TACC1: variants seen among roughly 807,000 people sequenced by gnomAD.
TACC1 encodes transforming acidic coiled-coil-containing protein 1.
TACC1 carries 48 observed loss-of-function variants against 84.4 expected under a neutral mutation model. The ratio of observed to expected loss-of-function variants is 0.57; its 90% confidence interval spans 0.45 to 0.72. TACC1 has a LOEUF of 0.72. Among genes scored for constraint, TACC1 ranks in the 30% least tolerant of loss-of-function variants. The pLI, the probability that TACC1 is intolerant of heterozygous loss-of-function variation, is 0.00. For missense variants in TACC1, 920 were observed against 973.0 expected (o/e 0.95, Z 0.72); for synonymous variants, 372 against 376.3 (o/e 0.99, Z 0.13).
At chr8:38,805,782 C>T (rs560561104) in intron 2 of TACC1, 31 of 152,238 alleles carry the variant, frequency 2.0e-4, no homozygotes, top group African/African-American at 6.5e-4. Flanking sequence ...TACAGAGTGC[C>T]GACATTGAAC....
intron 1 of TACC1, 151 bp downstream of exon 1, chr8:38,787,894 C>T: frequency 2.6e-6 from 2 of 757,836 alleles, no homozygotes; most frequent in Non-Finnish European, 3.9e-6. Context: ...CGTGTGCGTC[C>T]GAAAGTTCAG....
At chr8:38,785,778 T>C, upstream of TACC1, 8 of 946,284 alleles carry the variant, frequency 8.5e-6, no homozygotes, top group Non-Finnish European at 1.0e-5. Context: ...ATAAGTGGTG[T>C]GATATATTTC....
chr8:38,809,031 G>T (rs1202732918), intron 2 of TACC1, among the ~76,000 whole-genome samples: 6 of 152,176 alleles, frequency 3.9e-5, no homozygotes, highest in African/African-American at 1.4e-4. Context: ...AGCTGGCCAA[G>T]AAATGACTGG....
At chr8:38,834,143 G>C (rs1346929222) in intron 6 of TACC1, among the ~76,000 whole-genome samples, 1 of 152,192 alleles carries the variant, frequency 6.6e-6, no homozygotes, top group Non-Finnish European at 1.5e-5. Flanking sequence ...CTCTGACTCA[G>C]AATCTGTTAC....
At position 38,788,900 on chromosome 8, in the gene TACC1, A is replaced by T. The variant is rs1817974694; in HGVS notation, c.277+81A>T. The T allele has an allele frequency of 7.0e-6, 8 of 1,142,080 alleles. No individual in the cohort carries two copies. The South Asian group carries it at 1.0e-4, about 15-fold the overall frequency. 70.7% of individuals were successfully genotyped at this position (1,142,080 alleles called of 1,614,324 possible). A position where few individuals can be genotyped will look rare whatever the true frequency, so the allele number is the denominator to read the frequency against. ...ATCAATGAAGGAAGGAAAAAAGTGT[A>T]AATTTAGGACCATTTAAGAGAGTTT... On this transcript the variant is annotated intron_variant, in intron 2 of 12. Transcript: ENST00000317827.
intron 1 of TACC1, among the ~76,000 whole-genome samples, chr8:38,736,633 A>G (rs950522274): frequency 6.6e-6 from 1 of 152,156 alleles, no homozygotes; most frequent in African/African-American, 2.4e-5. Context: ...AAAGAATAAG[A>G]TAATGATAAC....
chr8:38,787,858 C>G lies in TACC1; in HGVS notation c.161+115C>G, dbSNP rs968375753. The G allele has an allele frequency of 1.1e-5, 12 of 1,052,732 alleles. 1 individual carries two copies. The highest frequency in any genetic ancestry group is 2.2e-4 in the Middle Eastern group (1 of 4,520). The allele number at this position is 1,052,732 out of a possible 1,614,324, so 65.2% of individuals were successfully genotyped here. On this transcript the variant is annotated intron_variant, in intron 1 of 12. Coordinates refer to ENST00000317827, the MANE Select transcript of TACC1 (RefSeq NM_006283.3). ...CGCGAAACCGTCCTCACGGCCGTGC[C>G]GCGTCCCTGCCCGGAGCCGGGTCCC...
At chr8:38,760,250 G>A (rs1416550336) in intron 3 of TACC1, among the ~76,000 whole-genome samples, 1 of 152,198 alleles carries the variant, frequency 6.6e-6, no homozygotes, top group Non-Finnish European at 1.5e-5. Flanking sequence ...CTGATTTTAA[G>A]ATACAATTCA....
At chr8:38,833,659 A>C (rs1020314144) in intron 6 of TACC1, among the ~76,000 whole-genome samples, 1 of 152,226 alleles carries the variant, frequency 6.6e-6, no homozygotes, top group Non-Finnish European at 1.5e-5. Flanking sequence ...TTAAGCAGGC[A>C]GACTGAATTC....
intron 2 of TACC1, among the ~76,000 whole-genome samples, chr8:38,795,450 C>T (rs1048945434): frequency 3.9e-5 from 6 of 152,196 alleles, no homozygotes; most frequent in Admixed American, 2.0e-4. Context: ...ACACTTTCTA[C>T]CTGTGTATGT....
Position 38,848,139 on chromosome 8 carries a change from A to C in TACC1, c.*116A>C. On this transcript the variant is annotated 3_prime_UTR_variant, in exon 13 of 13. Coordinates refer to ENST00000317827, the MANE Select transcript of TACC1 (RefSeq NM_006283.3). Reference sequence around the variant, plus strand: ...TTGCAGAGAAAAAAAAAAACTTAAAAAAAGCACATGCCTACTGCTGCCTGT... The same window carrying C: ...TTGCAGAGAAAAAAAAAAACTTAAACAAAGCACATGCCTACTGCTGCCTGT... The C allele has an allele frequency of 1.0e-6, 1 of 965,822 alleles. No individual in the cohort carries two copies. Among genetic ancestry groups the C allele is most frequent in the Non-Finnish European group, 1.5e-6 (1 of 648,988 alleles). 59.8% of individuals were successfully genotyped at this position (965,822 alleles called of 1,614,324 possible).
chr8:38,740,443 C>T (rs1052019135), intron 1 of TACC1, among the ~76,000 whole-genome samples: 4 of 152,280 alleles, frequency 2.6e-5, no homozygotes, highest in Non-Finnish European at 4.4e-5. Flanking sequence ...TAGGGTTGCC[C>T]GCACCTTTTT....
chr8:38,774,943 A>G (rs562825423), intron 3 of TACC1, among the ~76,000 whole-genome samples: 5 of 147,794 alleles, frequency 3.4e-5, no homozygotes, highest in Non-Finnish European at 6.0e-5. Flanking sequence ...CCCCAGAGGC[A>G]GAGGTTGCAG....
In TACC1 at chr8:38,820,049, G is replaced by C; in HGVS notation, c.805G>C (p.Glu269Gln). ...CAAGGCATCCTATCACTTCAGTCCT[G>C]AAGAGTTGGATGAGAACACAAGTCC... ...LPKASYHFSP[E>Q]ELDENTSPLL... The change falls in exon 3 of 13, where the codon GAA becomes CAA. Residue 269 changes from glutamate to glutamine, a missense_variant. Physicochemically the swap from Glu to Gln is conservative, Grantham distance 29 (BLOSUM62 2). This residue lies in a region of TACC1 where 762 missense variants were observed against 747.3 expected (regional missense o/e 1.02). Transcript: ENST00000317827. 6.2e-7 allele frequency: 1 copy of C among 1,614,144 alleles called. No homozygotes were observed. The highest frequency in any genetic ancestry group is 8.5e-7 in the Non-Finnish European group (1 of 1,180,042).
At chr8:38,831,650 C>T (rs1588076939) in intron 6 of TACC1, among the ~76,000 whole-genome samples, 2 of 152,012 alleles carry the variant, frequency 1.3e-5, no homozygotes, top group South Asian at 2.1e-4. Context: ...CACGTGCCAC[C>T]GCACCCAGCT....
chr8:38,752,660 C>T (rs1809259986), intron 3 of TACC1, among the ~76,000 whole-genome samples: 2 of 152,164 alleles, frequency 1.3e-5, no homozygotes, highest in Admixed American at 1.3e-4. Flanking sequence ...TATTCAGCAG[C>T]CCACTGACCC....
At chr8:38,769,454 G>A (rs1813031055) in intron 3 of TACC1, among the ~76,000 whole-genome samples, 2 of 147,810 alleles carry the variant, frequency 1.4e-5, no homozygotes, top group African/African-American at 2.5e-5. Context: ...GTATGTGACT[G>A]TGTGTGGTGT....
chr8:38,737,955 G>A (rs1056525381), intron 1 of TACC1, among the ~76,000 whole-genome samples: 3 of 151,958 alleles, frequency 2.0e-5, no homozygotes, highest in African/African-American at 7.2e-5. Flanking sequence ...TCAAACTTCT[G>A]ACCTCAGGTG....
At chr8:38,793,152 A>G (rs1181874460) in intron 2 of TACC1, among the ~76,000 whole-genome samples, 1 of 152,214 alleles carries the variant, frequency 6.6e-6, no homozygotes, top group Non-Finnish European at 1.5e-5. Flanking sequence ...TTGATGTGTT[A>G]ATTAAATGCC....
Sources: gnomAD v4.1 joint callset for allele counts (sites outside exome capture counted in the v4.1 genomes callset) on GRCh38, gnomAD v4.1.1 for gene constraint, gnomAD v4.1.1 regional missense constraint, MANE v1.5 for transcripts, NCBI Gene and HGNC (gene_info 2026-07-23, HGNC 2026-07-21) for gene names.